Variants in DOCK7 observed in about 807,000 individuals in gnomAD.
The protein encoded by DOCK7 is dedicator of cytokinesis protein 7.
A neutral mutation model predicts 271.0 loss-of-function variants in DOCK7; 138 were observed. The ratio of observed to expected loss-of-function variants is 0.51; its 90% CI spans 0.44 to 0.59. DOCK7 has a LOEUF of 0.59. Ranked by LOEUF, DOCK7 falls within the 20% of genes least tolerant of loss-of-function variation. DOCK7 has a pLI of 0.00. For synonymous variants in DOCK7, 823 were observed against 876.1 expected (o/e 0.94, Z 1.07); for missense variants, 2,066 against 2,592.4 (o/e 0.80, Z 4.41).
chr1:62,555,722 C>T (rs985867841), intron 21 of DOCK7, 103 bp downstream of exon 21: 20 of 1,302,848 alleles, frequency 1.5e-5, no homozygotes, highest in Admixed American at 2.5e-5. Context: ...TAAATGTTTG[C>T]CTTTGAATAA....
chr1:62,673,693 T>C (rs1287399162), intron 1 of DOCK7, among the ~76,000 whole-genome samples: 5 of 152,192 alleles, frequency 3.3e-5, no homozygotes, highest in Non-Finnish European at 5.9e-5. Flanking sequence ...TGGTGTAAAG[T>C]ATACATAATT....
rs550226453 is a variant in DOCK7 at position 62,569,454 on chromosome 1, A to G, written c.2113-7751T>C. ...CAACACACGCAAATCAATAAACGTA[A>G]TCCGTCACATAAACAGAACTAAAGA... On this transcript the variant is annotated intron_variant, in intron 18 of 49. Transcript: ENST00000635253. Among the ~76,000 whole-genome samples the G allele has an allele frequency of 3.9e-5, 6 of 152,268 alleles. No individual in the cohort carries two copies. The East Asian group carries it at 1.2e-3, about 29-fold the overall frequency.
intron 18 of DOCK7, among the ~76,000 whole-genome samples, chr1:62,563,269 A>G (rs1644823213): frequency 6.6e-6 from 1 of 152,132 alleles, no homozygotes; most frequent in South Asian, 2.1e-4. Flanking sequence ...TCCAGCCCCC[A>G]CTGCTACAAC....
chr1:62,464,128 C>T (rs535913025), intron 48 of DOCK7, among the ~76,000 whole-genome samples: 13 of 152,036 alleles, frequency 8.6e-5, no homozygotes, highest in African/African-American at 2.9e-4. Context: ...GGTGCCATCT[C>T]GGCTTGCTGC....
Position 62,648,098 on chromosome 1 carries a change from A to C in DOCK7, c.732+8T>G, listed in dbSNP as rs1656895782. 1 of 1,610,736 alleles carries C rather than the reference A, an allele frequency of 6.2e-7. No homozygotes were observed. The highest frequency in any genetic ancestry group is 1.3e-5 in the African/African-American group (1 of 74,854). On this transcript the variant is annotated splice_region_variant and intron_variant, in intron 6 of 49. Transcript: ENST00000635253. ...ATCATTTGCTTCTTTATATGCAAACATCTATACCTCATCTGGTGATGGATG... is the reference window on the plus strand; with the variant it reads ...ATCATTTGCTTCTTTATATGCAAACCTCTATACCTCATCTGGTGATGGATG...
intron 18 of DOCK7, among the ~76,000 whole-genome samples, chr1:62,568,088 CAAAG>C (rs1646582332): frequency 6.6e-6 from 1 of 151,890 alleles, no homozygotes; most frequent in Admixed American, 6.6e-5. Flanking sequence ...AATTAGAACT[CAAAG>C]AAACTCACTC....
At chr1:62,653,647 A>C in intron 4 of DOCK7, 78 bp downstream of exon 4, 3 of 951,732 alleles carry the variant, frequency 3.2e-6, no homozygotes, top group Non-Finnish European at 5.0e-6. Flanking sequence ...CAGGTCTCAT[A>C]AACATTACGA....
At position 62,539,563 on chromosome 1, in the gene DOCK7, T is replaced by C. The variant is rs766607075; in HGVS notation, c.3282A>G (p.Ile1094Met). ...GCATTACCTGTTTATAGCAGGACTT[T>C]ATAAGGCTAAAAACAAATCCTCTGT... ...VMDRGFVFSL[I>M]KSCYKQVSSK... The change falls in exon 27 of 50, where the codon ATA becomes ATG. Residue 1094 changes from isoleucine to methionine, a missense_variant. Physicochemically the swap from Ile to Met is conservative, Grantham distance 10. Around this residue, in one of 2 missense-constraint regions of DOCK7, gnomAD observed 1,414 missense variants for 1,670.4 expected, o/e 0.85. Coordinates refer to ENST00000635253, the MANE Select transcript of DOCK7 (RefSeq NM_001367561.1). 2.5e-5 allele frequency: 41 copies of C among 1,612,134 alleles called. No individual in the cohort carries two copies. Among genetic ancestry groups the C allele is most frequent in the Non-Finnish European group, 3.3e-5 (39 of 1,179,424 alleles).
chr1:62,679,918 C>T (rs1052057000), intron 1 of DOCK7, among the ~76,000 whole-genome samples: 6 of 152,202 alleles, frequency 3.9e-5, no homozygotes, highest in African/African-American at 1.2e-4. Context: ...ATATTCCATG[C>T]TCATGGATAG....
intron 36 of DOCK7, 24 bp from the exon 37 acceptor site, chr1:62,504,806 C>G (rs1646891992): frequency 1.9e-6 from 3 of 1,606,360 alleles, no homozygotes; most frequent in Non-Finnish European, 2.5e-6. Context: ...AAACAAACCA[C>G]CACTGAATTT....
intron 47 of DOCK7, 30 bp from the exon 48 acceptor site, chr1:62,474,118 TTTTTGTTATCTC>T (rs1405276350): frequency 6.4e-7 from 1 of 1,565,882 alleles, no homozygotes; most frequent in Non-Finnish European, 8.7e-7. Flanking sequence ...GAAGTGTGTT[TTTTTGTTATCTC>T]TAAAATCACA....
At chr1:62,459,837 T>C (rs939810463) in intron 48 of DOCK7, among the ~76,000 whole-genome samples, 4 of 152,006 alleles carry the variant, frequency 2.6e-5, no homozygotes, top group Non-Finnish European at 4.4e-5. Flanking sequence ...CAGTGGCTCA[T>C]GTCTGTAATC....
At chr1:62,527,078 T>C (rs11207980) in intron 31 of DOCK7, among the ~76,000 whole-genome samples, 50,847 of 152,004 alleles carry the variant, frequency 0.33, 8,679 homozygotes, top group South Asian at 0.42. Flanking sequence ...ATAATCTTAA[T>C]AAAGCTATAA....
intron 7 of DOCK7, among the ~76,000 whole-genome samples, chr1:62,637,051 A>C (rs1655360366): frequency 6.6e-6 from 1 of 152,224 alleles, no homozygotes; most frequent in East Asian, 1.9e-4. Flanking sequence ...GCATCCAAAG[A>C]ATCATAATTA....
intron 4 of DOCK7, among the ~76,000 whole-genome samples, chr1:62,649,490 T>C (rs1657076411): frequency 6.6e-6 from 1 of 152,210 alleles, no homozygotes; most frequent in South Asian, 2.1e-4. Context: ...TAGAAGCAGG[T>C]ATCTTAATCT....
At chr1:62,544,689 T>A (rs1005141755) in intron 23 of DOCK7, among the ~76,000 whole-genome samples, 3 of 152,164 alleles carry the variant, frequency 2.0e-5, no homozygotes, top group Admixed American at 1.3e-4. Context: ...ATCAATTGCA[T>A]AAGCAGCAGG....
intron 22 of DOCK7, among the ~76,000 whole-genome samples, chr1:62,549,284 C>T (rs1278929839): frequency 6.6e-6 from 1 of 152,054 alleles, no homozygotes; most frequent in Non-Finnish European, 1.5e-5. Flanking sequence ...TGAAAATTAA[C>T]CACTGGATTT....
intron 14 of DOCK7, among the ~76,000 whole-genome samples, chr1:62,599,003 T>C (rs541097612): frequency 7.9e-5 from 12 of 152,100 alleles, no homozygotes; most frequent in Non-Finnish European, 1.8e-4. Flanking sequence ...TGACCTTGAA[T>C]AAATTACTTC....
At chr1:62,631,213 G>A in intron 11 of DOCK7, 27 bp downstream of exon 11, 1 of 1,534,668 alleles carries the variant, frequency 6.5e-7, no homozygotes, top group Non-Finnish European at 8.8e-7. Context: ...TAAACATTTA[G>A]AAATGTTTTG....
Sources: allele counts gnomAD v4.1 joint callset (sites outside exome capture counted in the v4.1 genomes callset), GRCh38; gene constraint gnomAD v4.1.1; regional missense constraint gnomAD v4.1.1; transcripts MANE v1.5; gene names NCBI Gene and HGNC (gene_info 2026-07-23, HGNC 2026-07-21).